Variants in TTC34 observed in about 807,000 individuals in gnomAD.
TTC34 encodes tetratricopeptide repeat domain 34, also known as tetratricopeptide repeat protein 34.
Under a neutral mutation model 40.7 loss-of-function variants are expected in TTC34, and 44 were observed. The observed-to-expected ratio is 1.08, with a 90% CI of 0.85 to 1.39. The LOEUF is 1.39. Among genes scored for constraint, TTC34 ranks in the 40% most tolerant of loss-of-function variants. The pLI, the probability that TTC34 is intolerant of heterozygous loss-of-function variation, is 0.00. For missense variants in TTC34, 884 were observed against 838.0 expected (o/e 1.05, Z -0.68); for synonymous variants, 422 against 398.6 (o/e 1.06, Z -0.70).
intron 6 of TTC34, among the ~76,000 whole-genome samples, chr1:2,687,221 G>A (rs1341565461): frequency 2.8e-4 from 40 of 145,034 alleles, no homozygotes; most frequent in Admixed American, 6.7e-4. Flanking sequence ...GCGAGCATCC[G>A]ACAGCCTGGA....
At chr1:2,653,853 A>ACC in intron 6 of TTC34, among the ~76,000 whole-genome samples, 1 of 2,300 alleles carries the variant, frequency 4.3e-4, no homozygotes, top group Non-Finnish European at 1.4e-3. Context: ...CCCACAGCCC[A>ACC]AGGTGAGCAT....
chr1:2,756,650 T>C (rs1641515618), intron 6 of TTC34, among the ~76,000 whole-genome samples: 11 of 151,626 alleles, frequency 7.3e-5, no homozygotes, highest in East Asian at 5.8e-4. Flanking sequence ...TCTGACAGCC[T>C]GGAACAGCAC....
chr1:2,691,500 A>C (rs376961556), intron 6 of TTC34, among the ~76,000 whole-genome samples: 1,183 of 39,928 alleles, frequency 0.03, no homozygotes, highest in Non-Finnish European at 0.044. Context: ...GCAGCACCCA[A>C]AACCACAGGT....
chr1:2,698,808 C>A (rs1450162703), intron 6 of TTC34, among the ~76,000 whole-genome samples: 2 of 149,670 alleles, frequency 1.3e-5, no homozygotes, highest in South Asian at 4.2e-4. Flanking sequence ...GCACCCCACA[C>A]CCACAGGTGA....
chr1:2,799,853 C>G (rs1169233634), intron 2 of TTC34, among the ~76,000 whole-genome samples, 191 bp downstream of exon 2: 1 of 152,210 alleles, frequency 6.6e-6, no homozygotes, highest in Non-Finnish European at 1.5e-5. Context: ...CTTGCCCATC[C>G]CATTTCTTAA....
chr1:2,644,437 G>A (rs1258898749), exon 8 of TTC34: 1 of 1,535,538 alleles, frequency 6.5e-7, no homozygotes, highest in Admixed American at 2.0e-5. Context: ...GGGGCACGGT[G>A]CAGGGCTTTT....
intron 6 of TTC34, among the ~76,000 whole-genome samples, chr1:2,699,769 C>A (rs1183515233): frequency 1.5e-5 from 1 of 67,856 alleles, no homozygotes; most frequent in African/African-American, 3.9e-5. Context: ...GAGCAGCACC[C>A]ACACCCCAGG....
At chr1:2,769,711 C>G (rs1373662704) in intron 6 of TTC34, among the ~76,000 whole-genome samples, 2 of 144,924 alleles carry the variant, frequency 1.4e-5, no homozygotes, top group Admixed American at 6.8e-5. Context: ...AGCACCCACA[C>G]CCCCAGGTGA....
At chr1:2,692,022 C>T (rs1640642461) in intron 6 of TTC34, among the ~76,000 whole-genome samples, 1 of 97,782 alleles carries the variant, frequency 1.0e-5, no homozygotes, top group Non-Finnish European at 2.2e-5. Context: ...TCAGCACCCA[C>T]ACCCCCAGGT....
rs6604989 is a variant in TTC34, at chr1:2,645,016, T to C, written c.2497+277A>G. On this transcript the variant is annotated intron_variant, in intron 7 of 8. Transcript: ENST00000401095. The surrounding 1 kb of genome is among the most constrained non-coding windows in gnomAD (Gnocchi z 4.7). ...GAGGTGCATGGATGAATGAGGGGGC[T>C]GAGGGTCCAAGACCTTTCAAAGACC... Among the ~76,000 whole-genome samples, 149,853 of 152,206 alleles carry C rather than the reference T, an allele frequency of 0.98. 73,776 individuals carry two copies. The highest frequency in any genetic ancestry group is 1 in the Middle Eastern group (294 of 294).
At chr1:2,687,342 G>C (rs554653678) in intron 6 of TTC34, among the ~76,000 whole-genome samples, 1 of 135,772 alleles carries the variant, frequency 7.4e-6, no homozygotes, top group Admixed American at 7.6e-5. Context: ...GTGAGCATCC[G>C]ACAGCCTGGA....
chr1:2,768,610 G>A (rs919577651), intron 6 of TTC34, among the ~76,000 whole-genome samples: 1 of 151,754 alleles, frequency 6.6e-6, no homozygotes, highest in African/African-American at 2.4e-5. Flanking sequence ...AGCCTGGAAT[G>A]GTACCCCACA....
rs12097638 is a variant in TTC34, at chr1:2,781,068, C to A, written c.2226+2541G>T. 2.2e-3 allele frequency among the ~76,000 whole-genome samples: 339 copies of A among 152,028 alleles called. 1 individual carries two copies. Among genetic ancestry groups the A allele is most frequent in the African/African-American group, 7.8e-3 (323 of 41,456 alleles). ...AACACAGGTTAAAATTATGTGGGTCCCCTTATATGTGAATTTTTTTCAATA... is the reference window on the plus strand; with the variant it reads ...AACACAGGTTAAAATTATGTGGGTCACCTTATATGTGAATTTTTTTCAATA... On this transcript the variant is annotated intron_variant, in intron 6 of 8. Transcript: ENST00000401095.
intron 6 of TTC34, among the ~76,000 whole-genome samples, chr1:2,695,036 C>CCAGGTGAGCATCTGA (rs1640796952): frequency 1.3e-5 from 2 of 151,820 alleles, no homozygotes; most frequent in African/African-American, 2.4e-5. Context: ...CCCTGCACCC[C>CCAGGTGAGCATCTGA]CAGGTGAGCA....
intron 6 of TTC34, among the ~76,000 whole-genome samples, chr1:2,755,996 C>A (rs1273366669): frequency 1.2e-5 from 1 of 84,114 alleles, no homozygotes; most frequent in Non-Finnish European, 2.1e-5. Context: ...CCCAGGTGAG[C>A]ATCTGACACC....
At chr1:2,790,811 C>T (rs1196300149) in intron 2 of TTC34, among the ~76,000 whole-genome samples, 2 of 152,200 alleles carry the variant, frequency 1.3e-5, no homozygotes, top group Admixed American at 1.3e-4. Flanking sequence ...GCCATTTATT[C>T]CTGGGCGCCT....
chr1:2,751,558 G>C (rs1641320051), intron 6 of TTC34, among the ~76,000 whole-genome samples: 1 of 100,304 alleles, frequency 1.0e-5, no homozygotes, highest in South Asian at 3.5e-4. Flanking sequence ...GCCTGCAACA[G>C]CACGCACACC....
rs972501327 is a variant in TTC34 at position 2,698,549 on chromosome 1, C to G, written c.2227-52986G>C. Among the ~76,000 whole-genome samples, 2 of 117,590 alleles carry G rather than the reference C, an allele frequency of 1.7e-5. 1 individual carries two copies. The highest frequency in any genetic ancestry group is 1.6e-4 in the Admixed American group (2 of 12,642). The allele number at this position is 117,590 out of a possible 152,430, so 77.1% of individuals were successfully genotyped here. A position where few individuals can be genotyped will look rare whatever the true frequency, so the allele number is the denominator to read the frequency against. On this transcript the variant is annotated intron_variant, in intron 6 of 8. Transcript: ENST00000401095. ...ACACCCCCAGGTGAGCATCGGGCAG[C>G]CTGGAGCAGCACCCACACCCCCAGA...
chr1:2,791,735 G>C (rs562987851), intron 2 of TTC34, among the ~76,000 whole-genome samples: 7 of 152,200 alleles, frequency 4.6e-5, no homozygotes, highest in African/African-American at 1.7e-4. Flanking sequence ...CGAGGGAGCT[G>C]CAGCCAGGGG....
Sources: gnomAD v4.1 joint callset for allele counts (sites outside exome capture counted in the v4.1 genomes callset) on GRCh38, gnomAD v4.1.1 for gene constraint, Gnocchi (gnomAD v3.1) non-coding constraint, MANE v1.5 for transcripts, NCBI Gene and HGNC (gene_info 2026-07-23, HGNC 2026-07-21) for gene names.